The following LRP12 variants were observed in gnomAD, a reference collection of about 807,000 sequenced individuals.
LRP12 encodes LDL receptor related protein 12, also known as low-density lipoprotein receptor-related protein 12.
A neutral mutation model predicts 66.0 loss-of-function variants in LRP12; 14 were observed. The ratio of observed to expected loss-of-function variants is 0.21; its 90% CI spans 0.14 to 0.33. The LOEUF (loss-of-function observed/expected upper bound fraction) is 0.33. LRP12 is among the 10% of genes least tolerant of loss of function. The probability of loss-of-function intolerance (pLI) is 1.00; values close to 1 mark genes in which losing one functional copy is unlikely to be tolerated. For missense variants in LRP12, 889 were observed against 1,053.4 expected, an observed-to-expected ratio of 0.84 and a Z score of 2.16; for synonymous variants, 357 against 359.1, an observed-to-expected ratio of 0.99 and a Z score of 0.07.
At chr8:104,550,062 A>G (rs186337601) in intron 1 of LRP12, among the ~76,000 whole-genome samples, 65 of 152,236 alleles carry the variant, frequency 4.3e-4, no homozygotes, top group African/African-American at 1.5e-3. Context: ...ACTTTCTCCT[A>G]AACTGCAATT....
intron 1 of LRP12, among the ~76,000 whole-genome samples, chr8:104,587,677 T>C (rs1444276618): frequency 6.6e-6 from 1 of 152,212 alleles, no homozygotes; most frequent in Non-Finnish European, 1.5e-5. Flanking sequence ...ATTCCGTAGA[T>C]AAATGCCTTC....
Position 104,498,110 on chromosome 8 carries a change from G to A in LRP12, c.476-34C>T, listed in dbSNP as rs772394395. ...ATGTGAGTAGAAATAGATGGAAAGA[G>A]AAGGAGAAAAATTATAATCTTTAAA... On this transcript the variant is annotated intron_variant, in intron 4 of 6. Coordinates refer to ENST00000276654, the MANE Select transcript of LRP12 (RefSeq NM_013437.5). 45 of 1,515,280 alleles carry A rather than the reference G, an allele frequency of 3.0e-5. 1 individual carries two copies. In the South Asian group the frequency reaches 5.7e-4, roughly 19 times the overall value. 93.9% of individuals were successfully genotyped at this position (1,515,280 alleles called of 1,614,324 possible).
At chr8:104,530,464 G>A (rs906369757) in intron 2 of LRP12, among the ~76,000 whole-genome samples, 1 of 152,146 alleles carries the variant, frequency 6.6e-6, no homozygotes, top group Non-Finnish European at 1.5e-5. Flanking sequence ...AAGGCCATGT[G>A]AGGACACAAT....
At chr8:104,584,640 C>T (rs1297733226) in intron 1 of LRP12, among the ~76,000 whole-genome samples, 1 of 132,286 alleles carries the variant, frequency 7.6e-6, no homozygotes, top group East Asian at 2.1e-4. Context: ...GTTAACAGTG[C>T]TTGTTTAATA....
chr8:104,519,279 G>C (rs1245915226), intron 2 of LRP12, among the ~76,000 whole-genome samples: 1 of 152,056 alleles, frequency 6.6e-6, no homozygotes, highest in Non-Finnish European at 1.5e-5. Flanking sequence ...GATGGACAGA[G>C]TTGGAAGGGG....
Position 104,588,990 on chromosome 8 carries a change from G to GCCGCCGCCA in LRP12, c.-94_-93insTGGCGGCGG, listed in dbSNP as rs2140906387. 1.1e-6 allele frequency: 1 copy of GCCGCCGCCA among 915,868 alleles called. No individual in the cohort carries two copies. Among genetic ancestry groups the GCCGCCGCCA allele is most frequent in the South Asian group, 1.7e-5 (1 of 58,514 alleles). 56.7% of individuals were successfully genotyped at this position (915,868 alleles called of 1,614,324 possible). A position where few individuals can be genotyped will look rare whatever the true frequency, so the allele number is the denominator to read the frequency against. The stretch of plus-strand genomic sequence containing the variant: ...CGCCGACGCCGCCGCCGCCGCCGCC[G>GCCGCCGCCA]CCGCCGCCGAGCCACCGGCTGCTCC... On this transcript the variant is annotated 5_prime_UTR_variant, in exon 1 of 7. Coordinates refer to ENST00000276654, the MANE Select transcript of LRP12 (RefSeq NM_013437.5).
At chr8:104,520,892 C>T (rs1407093423) in intron 2 of LRP12, among the ~76,000 whole-genome samples, 1 of 152,012 alleles carries the variant, frequency 6.6e-6, no homozygotes, top group African/African-American at 2.4e-5. Context: ...ATGTCAAATG[C>T]TTGAACAGAG....
chr8:104,564,697 G>A lies in LRP12; in HGVS notation c.79+24122C>T, dbSNP rs189898005. Among the ~76,000 whole-genome samples the A allele has an allele frequency of 2.3e-4, 35 of 152,096 alleles. No individual in the cohort carries two copies. In the East Asian group the frequency reaches 5.8e-3, roughly 25 times the overall value. On this transcript the variant is annotated intron_variant, in intron 1 of 6. Transcript: ENST00000276654. ...TGTAATTCCAGCACTTTGGGAGGCC[G>A]AGGCGGGCAGATCACTTGAGGTCAG...
chr8:104,509,038 C>T lies in LRP12; in HGVS notation c.173G>A (p.Ser58Asn). 6.2e-7 allele frequency: 1 copy of T among 1,613,892 alleles called. No homozygotes were observed. The highest frequency in any genetic ancestry group is 1.7e-4 in the Middle Eastern group (1 of 6,056). ...CCAGCCTGGGCTTGTGATTATGCCA[C>T]TTGGTGCTCGTATTTGCTCTGGAGT... Reference protein sequence around the residue: ...GETPEQIRAPSGIITSPGWPS... With the variant: ...GETPEQIRAPNGIITSPGWPS... The change falls in exon 3 of 7, where the codon AGT (serine) becomes AAT (asparagine). Residue 58 changes from serine to asparagine, a missense_variant. Ser to Asn is a conservative substitution (Grantham distance 46). Transcript: ENST00000276654.
intron 1 of LRP12, among the ~76,000 whole-genome samples, chr8:104,571,408 T>C (rs1201132195): frequency 3.9e-5 from 6 of 152,062 alleles, no homozygotes; most frequent in African/African-American, 1.4e-4. Flanking sequence ...ATAATCCCCA[T>C]GTGTTAAGGG....
chr8:104,526,535 A>G (rs1811242408), intron 2 of LRP12, among the ~76,000 whole-genome samples: 2 of 147,916 alleles, frequency 1.4e-5, no homozygotes. Flanking sequence ...CTGCATATCT[A>G]CAACTATCTG....
chr8:104,491,823 A>G (rs1207218909), intron 6 of LRP12, among the ~76,000 whole-genome samples: 1 of 152,208 alleles, frequency 6.6e-6, no homozygotes, highest in Non-Finnish European at 1.5e-5. Flanking sequence ...AAATTATAAC[A>G]GTTGTTTCAA....
intron 2 of LRP12, among the ~76,000 whole-genome samples, chr8:104,528,831 C>G (rs895379020): frequency 2.2e-4 from 33 of 151,756 alleles, no homozygotes; most frequent in African/African-American, 8.0e-4. Context: ...CCAGACATAC[C>G]TCTGGAAACA....
chr8:104,490,898 G>A lies in LRP12; in HGVS notation c.2355C>T (p.Asp785=), dbSNP rs766012084. 1.9e-6 allele frequency: 3 copies of A among 1,614,116 alleles called. No homozygotes were observed. The South Asian group carries it at 3.3e-5, about 18-fold the overall frequency. ...GTCTGGAGCAGTCATTCACATCAAA[G>A]TCTGAAGATCCATCAGAAATTGGAA... ...MLIPISDGSS[D]FDVNDCSRPL... is the part of the protein sequence containing the mutation. Residue 785 remains aspartate (D), a synonymous_variant, in exon 7 of 7, where the codon GAC becomes GAT. Coordinates refer to ENST00000276654, the MANE Select transcript of LRP12 (RefSeq NM_013437.5).
rs1810586871 is a variant in LRP12, at chr8:104,489,680, T to C, written c.*993A>G. ...CCAGCAAAGCAATTTCAAGTTGTAATAAAAATGTCCCCCGCCCCCAGCCAA... is the reference window on the plus strand; with the variant it reads ...CCAGCAAAGCAATTTCAAGTTGTAACAAAAATGTCCCCCGCCCCCAGCCAA... On this transcript the variant is annotated 3_prime_UTR_variant, in exon 7 of 7. Transcript: ENST00000276654. 1 of 152,116 alleles carries C rather than the reference T, an allele frequency of 6.6e-6. No individual in the cohort carries two copies. The highest frequency in any genetic ancestry group is 2.4e-5 in the African/African-American group (1 of 41,432). The allele number at this position is 152,116 out of a possible 1,614,324, so 9.4% of individuals were successfully genotyped here.
chr8:104,518,951 G>A (rs1423831294), intron 2 of LRP12, among the ~76,000 whole-genome samples: 5 of 151,858 alleles, frequency 3.3e-5, no homozygotes, highest in African/African-American at 1.2e-4. Flanking sequence ...AGAGTCTATG[G>A]GCCACTGAGA....
intron 2 of LRP12, among the ~76,000 whole-genome samples, chr8:104,525,714 C>G (rs561213910): frequency 2.0e-5 from 3 of 152,168 alleles, no homozygotes; most frequent in Non-Finnish European, 4.4e-5. Context: ...GACAAACCCA[C>G]AGCCAATATC....
At chr8:104,571,270 C>T (rs1033920160) in intron 1 of LRP12, among the ~76,000 whole-genome samples, 2 of 152,068 alleles carry the variant, frequency 1.3e-5, no homozygotes, top group African/African-American at 4.8e-5. Context: ...AGTAATGGGC[C>T]GTGGCCTATT....
chr8:104,516,987 C>CT (rs887215579), intron 2 of LRP12, among the ~76,000 whole-genome samples: 1 of 151,716 alleles, frequency 6.6e-6, no homozygotes, highest in African/African-American at 2.4e-5. Context: ...TATGTGAAAT[C>CT]TTTGACTTTG....
Sources: allele counts gnomAD v4.1 joint callset (sites outside exome capture counted in the v4.1 genomes callset), GRCh38; gene constraint gnomAD v4.1.1; transcripts MANE v1.5; gene names NCBI Gene and HGNC (gene_info 2026-07-23, HGNC 2026-07-21).